The following RIMS1 variants were observed in gnomAD, a reference collection of about 807,000 sequenced individuals.
RIMS1 encodes the protein regulating synaptic membrane exocytosis 1.
In RIMS1, 83 loss-of-function variants were observed where a neutral mutation model predicts 214.1. The ratio of observed to expected loss-of-function variants is 0.39; its 90% CI spans 0.32 to 0.47. The LOEUF (loss-of-function observed/expected upper bound fraction) is 0.47, where lower values mean the gene tolerates loss of function less well. RIMS1 is among the 20% of genes least tolerant of loss of function. The pLI is 0.99. For missense variants in RIMS1, 2,050 were observed against 2,161.8 expected (o/e 0.95, Z 1.03); for synonymous variants, 793 against 786.8 (o/e 1.01, Z -0.13).
chr6:72,188,705 A>G (rs2049547892), intron 6 of RIMS1, among the ~76,000 whole-genome samples: 1 of 152,154 alleles, frequency 6.6e-6, no homozygotes, highest in African/African-American at 2.4e-5. Flanking sequence ...CCAGACCATC[A>G]TTCCTGAGGG....
intron 10 of RIMS1, 27 bp from the exon 11 acceptor site, chr6:72,245,788 A>C: frequency 1.3e-6 from 2 of 1,593,392 alleles, no homozygotes; most frequent in Non-Finnish European, 1.7e-6. Context: ...AACTAATGGG[A>C]TTTTCACCAT....
chr6:72,333,634 G>A lies in RIMS1; in HGVS notation c.4165G>A (p.Gly1389Arg), dbSNP rs2096744805. 1 of 1,595,768 alleles carries A rather than the reference G, an allele frequency of 6.3e-7. No homozygotes were observed. The highest frequency in any genetic ancestry group is 1.3e-5 in the African/African-American group (1 of 74,514). Reference protein sequence around the residue: ...FTPKMQGRRMGTSGRSIMKST... With the variant: ...FTPKMQGRRMRTSGRSIMKST... ...CCCCAAAATGCAAGGCAGACGGATG[G>A]GGACTTCAGGAAGATCCATCATGAA... Residue 1389 changes from glycine to arginine, a missense_variant, in exon 29 of 34, where the codon GGG (glycine) becomes AGG (arginine). Physicochemically the swap from Gly to Arg is moderately radical, Grantham distance 125. Coordinates refer to ENST00000521978, the MANE Select transcript of RIMS1 (RefSeq NM_014989.7).
intron 29 of RIMS1, among the ~76,000 whole-genome samples, chr6:72,339,319 CAT>C (rs1594287722): frequency 6.6e-6 from 1 of 151,996 alleles, no homozygotes; most frequent in East Asian, 2.0e-4. Flanking sequence ...TTTTAGGGCA[CAT>C]GTGCACAACG....
intron 4 of RIMS1, among the ~76,000 whole-genome samples, chr6:72,109,486 G>A (rs1172813141): frequency 6.6e-6 from 1 of 152,086 alleles, no homozygotes; most frequent in Non-Finnish European, 1.5e-5. Context: ...TTTTTTGGTT[G>A]CATAAATGTC....
intron 29 of RIMS1, among the ~76,000 whole-genome samples, chr6:72,364,472 T>C (rs189901125): frequency 3.9e-5 from 6 of 152,358 alleles, no homozygotes; most frequent in Non-Finnish European, 7.3e-5. Context: ...ATAAAAGTTA[T>C]GTCATTCTAA....
chr6:72,141,561 A>G (rs149714584), intron 4 of RIMS1, among the ~76,000 whole-genome samples: 1 of 152,162 alleles, frequency 6.6e-6, no homozygotes, highest in East Asian at 1.9e-4. Context: ...CTTAGTACTC[A>G]GAAGAATAAA....
chr6:72,063,170 A>G, intron 2 of RIMS1, among the ~76,000 whole-genome samples: 1 of 152,214 alleles, frequency 6.6e-6, no homozygotes, highest in East Asian at 1.9e-4. Flanking sequence ...TCACACTAAA[A>G]GGGACAAAGG....
chr6:72,098,554 C>T (rs986377841), intron 3 of RIMS1, among the ~76,000 whole-genome samples: 1 of 152,106 alleles, frequency 6.6e-6, no homozygotes, highest in African/African-American at 2.4e-5. Context: ...CTCGGCTTCC[C>T]AAAGGGCTGG....
Position 72,319,026 on chromosome 6 carries a change from A to AT in RIMS1, c.4130+5363dup, listed in dbSNP as rs71842786. 9.2e-3 allele frequency among the ~76,000 whole-genome samples: 1,396 copies of AT among 151,936 alleles called. 13 individuals are homozygous for AT. Among genetic ancestry groups the AT allele is most frequent in the East Asian group, 0.029 (148 of 5,178 alleles). On this transcript the variant is annotated intron_variant, in intron 28 of 33. Coordinates refer to ENST00000521978, the MANE Select transcript of RIMS1 (RefSeq NM_014989.7). ...ATTTGATGTGTTACCATTTTTTAAAATTTTTTTTTAAATTTGCTTACTTGA... is the reference window on the plus strand; with the variant it reads ...ATTTGATGTGTTACCATTTTTTAAAATTTTTTTTTTAAATTTGCTTACTTGA...
intron 2 of RIMS1, among the ~76,000 whole-genome samples, chr6:72,005,647 A>G (rs752377266): frequency 6.6e-6 from 1 of 152,202 alleles, no homozygotes; most frequent in African/African-American, 2.4e-5. Flanking sequence ...CTATTACAGT[A>G]CTTCTGGAAT....
intron 1 of RIMS1, among the ~76,000 whole-genome samples, chr6:71,914,331 G>T (rs1777746316): frequency 6.6e-6 from 1 of 151,942 alleles, no homozygotes; most frequent in South Asian, 2.1e-4. Flanking sequence ...GGAAGTTAGA[G>T]ATTTCTTTTT....
intron 19 of RIMS1, 116 bp from the exon 20 acceptor site, chr6:72,264,859 A>G (rs1277103285): frequency 5.1e-6 from 3 of 591,826 alleles, no homozygotes; most frequent in Non-Finnish European, 8.6e-6. Context: ...TGAGAAAAAA[A>G]TGACCAAAGA....
chr6:71,902,843 C>A (rs957690332), intron 1 of RIMS1, among the ~76,000 whole-genome samples: 1 of 152,104 alleles, frequency 6.6e-6, no homozygotes, highest in Admixed American at 6.6e-5. Flanking sequence ...CATGTACCTG[C>A]AAAGGACAGA....
intron 23 of RIMS1, among the ~76,000 whole-genome samples, chr6:72,279,228 C>G (rs1195210817): frequency 6.6e-6 from 1 of 151,920 alleles, no homozygotes; most frequent in Non-Finnish European, 1.5e-5. Context: ...ACAATTACCT[C>G]TGTTTTTCAT....
intron 1 of RIMS1, among the ~76,000 whole-genome samples, chr6:71,949,905 T>G (rs944114379): frequency 6.6e-5 from 10 of 152,166 alleles, no homozygotes; most frequent in Admixed American, 3.3e-4. Flanking sequence ...CACAAAGACA[T>G]GGCTTCAATA....
intron 9 of RIMS1, among the ~76,000 whole-genome samples, chr6:72,240,630 CTTTTTTTTT>C (rs11344285): frequency 1.2e-5 from 1 of 82,506 alleles, no homozygotes; most frequent in Admixed American, 1.4e-4. Flanking sequence ...TTTCTTTTTT[CTTTTTTTTT>C]TTTTTTTTTT....
At chr6:72,347,034 T>A (rs940974456) in intron 29 of RIMS1, among the ~76,000 whole-genome samples, 1 of 151,848 alleles carries the variant, frequency 6.6e-6, no homozygotes, top group Non-Finnish European at 1.5e-5. Flanking sequence ...GGAGTTAATT[T>A]ACCCTACTTC....
At chr6:72,005,395 C>T (rs1014378260) in intron 2 of RIMS1, among the ~76,000 whole-genome samples, 1 of 152,076 alleles carries the variant, frequency 6.6e-6, no homozygotes, top group Admixed American at 6.6e-5. Context: ...TAGTTTTTTC[C>T]AATTCTGTGA....
At chr6:72,128,010 G>C (rs150924378) in intron 4 of RIMS1, among the ~76,000 whole-genome samples, 1 of 152,260 alleles carries the variant, frequency 6.6e-6, no homozygotes, top group Non-Finnish European at 1.5e-5. Context: ...GATAACTAAT[G>C]TATGTCAGGG....
Sources: gnomAD v4.1 joint callset for allele counts (sites outside exome capture counted in the v4.1 genomes callset) on GRCh38, gnomAD v4.1.1 for gene constraint, MANE v1.5 for transcripts, NCBI Gene and HGNC (gene_info 2026-07-23, HGNC 2026-07-21) for gene names.